The following TRPM6 variants were observed in gnomAD, a reference collection of about 807,000 sequenced individuals.
The protein encoded by TRPM6 is transient receptor potential cation channel subfamily M member 6.
A neutral mutation model predicts 247.6 loss-of-function variants in TRPM6; 111 were observed. The observed-to-expected ratio is 0.45, with a 90% CI of 0.38 to 0.52. The LOEUF (loss-of-function observed/expected upper bound fraction) is 0.52. Ranked by LOEUF, TRPM6 falls within the 20% of genes least tolerant of loss-of-function variation. TRPM6 has a pLI of 0.00. For synonymous variants in TRPM6, 892 were observed against 853.8 expected, an observed-to-expected ratio of 1.04 and a Z score of -0.78; for missense variants, 2,126 against 2,421.5, an observed-to-expected ratio of 0.88 and a Z score of 2.56.
rs754635312 is a variant in TRPM6, at chr9:74,762,332, G to C, written c.4339C>G (p.Gln1447Glu). 2 of 1,614,200 alleles carry C rather than the reference G, an allele frequency of 1.2e-6. No individual in the cohort carries two copies. Among genetic ancestry groups the C allele is most frequent in the Non-Finnish European group, 1.7e-6 (2 of 1,180,042 alleles). The change falls in exon 26 of 39, where the codon CAA (glutamine) becomes GAA (glutamate). Residue 1447 changes from glutamine to glutamate, a missense_variant. Physicochemically the swap from Gln to Glu is conservative, Grantham distance 29. Coordinates refer to ENST00000360774, the MANE Select transcript of TRPM6 (RefSeq NM_017662.5). ...CAGTTTACATATCCACCTCCAGTTT[G>C]CATGATCTTGGCTTGGGAAAGAGGG... ...SSPLSQAKIM[Q>E]TGGGYVNWAF...
intron 1 of TRPM6, among the ~76,000 whole-genome samples, chr9:74,863,406 T>C (rs772279548): frequency 3.9e-5 from 6 of 152,110 alleles, no homozygotes; most frequent in Non-Finnish European, 8.8e-5. Context: ...GATGTGAAAT[T>C]TCCCGCTTAT....
At chr9:74,847,357 C>G (rs1484307353) in intron 3 of TRPM6, among the ~76,000 whole-genome samples, 1 of 152,064 alleles carries the variant, frequency 6.6e-6, no homozygotes, top group African/African-American at 2.4e-5. Flanking sequence ...ACGACTATCA[C>G]GTCCGGCTAA....
At chr9:74,840,742 A>C (rs1829908441) in intron 4 of TRPM6, among the ~76,000 whole-genome samples, 1 of 149,796 alleles carries the variant, frequency 6.7e-6, no homozygotes, top group African/African-American at 2.5e-5. Flanking sequence ...GCTTGAGCCC[A>C]GGAGGCGGAG....
At position 74,802,154 on chromosome 9, in the gene TRPM6, T is replaced by C. The variant is rs759555232; in HGVS notation, c.1753A>G (p.Lys585Glu). The C allele has an allele frequency of 9.3e-6, 15 of 1,613,750 alleles. No individual in the cohort carries two copies. Among genetic ancestry groups the C allele is most frequent in the Non-Finnish European group, 1.2e-5 (14 of 1,179,776 alleles). ...KFKEKSIVLH[K>E]SRKKSKEQNV... ...TGTTCTTTTGACTTCTTCCTTGATT[T>C]ATGAAGGACTATAGACTTTTCCTGT... is the stretch of plus-strand genomic sequence containing the variant. Residue 585 changes from lysine (K) to glutamate (E), a missense_variant, in exon 16 of 39, where the codon AAA becomes GAA. Transcript: ENST00000360774.
At chr9:74,726,101 A>C (rs1306790787) in intron 38 of TRPM6, among the ~76,000 whole-genome samples, 5 of 152,228 alleles carry the variant, frequency 3.3e-5, no homozygotes, top group Non-Finnish European at 7.3e-5. Context: ...CTCTTTTTTT[A>C]TTTAGATTAC....
Position 74,788,712 on chromosome 9 carries a change from T to C in TRPM6, c.2569A>G (p.Thr857Ala). The change falls in exon 20 of 39, where the codon ACT (threonine) becomes GCT (alanine). Residue 857 changes from threonine (T) to alanine (A), a missense_variant. Transcript: ENST00000360774. ...MAYLAFLMLF[T>A]YTVLVEMQPQ... is the part of the protein sequence containing the mutation. ...TGCATCTCCACCAACACGGTGTAAG[T>C]GAACAGCATGAGGAATGCCAAATAC... 6.2e-7 allele frequency: 1 copy of C among 1,614,012 alleles called. No individual in the cohort carries two copies. Among genetic ancestry groups the C allele is most frequent in the Non-Finnish European group, 8.5e-7 (1 of 1,179,946 alleles).
At chr9:74,849,802 A>G (rs979351937) in intron 3 of TRPM6, among the ~76,000 whole-genome samples, 4 of 152,228 alleles carry the variant, frequency 2.6e-5, no homozygotes, top group African/African-American at 9.6e-5. Context: ...GGCCAACGTC[A>G]TGCAAATCTC....
Position 74,762,443 on chromosome 9 carries a change from T to C in TRPM6, c.4228A>G (p.Ile1410Val), listed in dbSNP as rs773655450. The C allele has an allele frequency of 1.2e-5, 19 of 1,614,064 alleles. No homozygotes were observed. The highest frequency in any genetic ancestry group is 4.5e-5 in the East Asian group (2 of 44,884). The change falls in exon 26 of 39, where the codon ATT (isoleucine) becomes GTT (valine). Residue 1410 changes from isoleucine (I) to valine (V), a missense_variant. Ile to Val is a conservative substitution (Grantham distance 29, BLOSUM62 3). Transcript: ENST00000360774. The stretch of plus-strand genomic sequence containing the variant: ...TCTTGTCCATCCAGTAAGTGAGCAA[T>C]AGGCTCGTGCTTTTCCTTGGGTTCA... ...VDEPKEKHEP[I>V]AHLLDGQDKA...
chr9:74,799,499 G>C (rs1448728849), intron 17 of TRPM6, among the ~76,000 whole-genome samples: 1 of 151,458 alleles, frequency 6.6e-6, no homozygotes, highest in East Asian at 1.9e-4. Flanking sequence ...GTATTGGAGG[G>C]CAGCCTTATG....
At chr9:74,835,085 C>T (rs1167259521) in intron 5 of TRPM6, among the ~76,000 whole-genome samples, 1 of 152,156 alleles carries the variant, frequency 6.6e-6, no homozygotes, top group Non-Finnish European at 1.5e-5. Context: ...TCTCCACATC[C>T]TCTCCAGCAC....
intron 1 of TRPM6, among the ~76,000 whole-genome samples, chr9:74,861,114 A>G (rs576791614): frequency 6.6e-6 from 1 of 152,358 alleles, no homozygotes; most frequent in East Asian, 1.9e-4. Flanking sequence ...AATTTCATTT[A>G]TTCATTCTCC....
At chr9:74,795,998 T>C (rs1040991960) in intron 18 of TRPM6, among the ~76,000 whole-genome samples, 2 of 152,190 alleles carry the variant, frequency 1.3e-5, no homozygotes, top group African/African-American at 4.8e-5. Context: ...AAGTATCACC[T>C]GCCTTCAGTT....
rs527588473 is a variant in TRPM6, at chr9:74,829,291, C to G, written c.670-1342G>C. On this transcript the variant is annotated intron_variant, in intron 6 of 38. Transcript: ENST00000360774. The stretch of plus-strand genomic sequence containing the variant: ...TGGGCGACACAGTGAGACCCCATCT[C>G]AAAAATAAATAAATAAATAAAACAG... Among the ~76,000 whole-genome samples, 49 of 152,138 alleles carry G rather than the reference C, an allele frequency of 3.2e-4. 1 individual carries two copies. Among genetic ancestry groups the G allele is most frequent in the African/African-American group, 1.2e-3 (48 of 41,510 alleles).
chr9:74,771,145 A>G (rs182936807), intron 25 of TRPM6, among the ~76,000 whole-genome samples: 90 of 151,950 alleles, frequency 5.9e-4, no homozygotes, highest in Non-Finnish European at 1.1e-3. Context: ...GCGCTATTCC[A>G]CCAGACGCCC....
chr9:74,800,269 T>C lies in TRPM6; in HGVS notation c.2223A>G (p.Lys741=). 1.2e-6 allele frequency: 2 copies of C among 1,614,138 alleles called. No homozygotes were observed. The highest frequency in any genetic ancestry group is 1.7e-6 in the Non-Finnish European group (2 of 1,179,984). The change falls in exon 17 of 39, where the codon AAA becomes AAG. Residue 741 remains lysine (K), a synonymous_variant. Transcript: ENST00000360774. ...DMWMGRLKMR[K]NSWLKIIISI... is the part of the protein sequence containing the mutation. ...GTAAATTTACCTTTAACCAAGAGTT[T>C]TTCCTCATTTTCAGCCTCCCCATCC...
chr9:74,761,284 A>G (rs1172444381), intron 27 of TRPM6, among the ~76,000 whole-genome samples: 1 of 152,254 alleles, frequency 6.6e-6, no homozygotes, highest in Non-Finnish European at 1.5e-5. Flanking sequence ...AAATTAAAAC[A>G]TATGTCCACA....
At chr9:74,816,793 C>G (rs186934023) in intron 10 of TRPM6, 24 bp from the exon 11 acceptor site, 2 of 1,611,074 alleles carry the variant, frequency 1.2e-6, no homozygotes, top group East Asian at 4.5e-5. Flanking sequence ...AAGGAACAAT[C>G]ATATATTCTT....
intron 3 of TRPM6, among the ~76,000 whole-genome samples, chr9:74,850,701 CAA>C (rs1049753325): frequency 6.6e-5 from 10 of 151,394 alleles, no homozygotes; most frequent in Admixed American, 3.3e-4. Flanking sequence ...CCCTGGGTAA[CAA>C]GAGCAAAACT....
chr9:74,828,371 A>C (rs953366980), intron 6 of TRPM6, among the ~76,000 whole-genome samples: 2 of 152,084 alleles, frequency 1.3e-5, no homozygotes, highest in Admixed American at 1.3e-4. Context: ...AAAAAAAAGT[A>C]TTACTTGCAA....
Sources: allele counts gnomAD v4.1 joint callset (sites outside exome capture counted in the v4.1 genomes callset), GRCh38; gene constraint gnomAD v4.1.1; transcripts MANE v1.5; gene names NCBI Gene and HGNC (gene_info 2026-07-23, HGNC 2026-07-21).